The following DIAPH2 variants were observed in gnomAD, a reference collection of about 807,000 sequenced individuals.
The protein encoded by DIAPH2 is diaphanous related formin 2.
In DIAPH2, 35 loss-of-function variants were observed where a neutral mutation model predicts 92.7. The observed-to-expected ratio is 0.38, with a 90% CI of 0.29 to 0.50. The LOEUF (loss-of-function observed/expected upper bound fraction) is 0.50. Among genes scored for constraint, DIAPH2 ranks in the 20% least tolerant of loss-of-function variants. The pLI, the probability that DIAPH2 is intolerant of heterozygous loss-of-function variation, is 0.94. For missense variants in DIAPH2, 701 were observed against 819.5 expected, an observed-to-expected ratio of 0.86 and a Z score of 1.77; for synonymous variants, 301 against 280.4, an observed-to-expected ratio of 1.07 and a Z score of -0.73.
At chrX:96,843,239 C>G (rs142080560) in intron 4 of DIAPH2, among the ~76,000 whole-genome samples, 1 of 111,697 alleles carries the variant, frequency 9.0e-6, no homozygotes, top group Non-Finnish European at 1.9e-5. Flanking sequence ...CCTGGTTCGC[C>G]TTCCACCATG....
At chrX:97,407,689 G>A (rs1052713419) in intron 25 of DIAPH2, among the ~76,000 whole-genome samples, 28 of 112,009 alleles carry the variant, frequency 2.5e-4, no homozygotes, top group African/African-American at 8.7e-4. Context: ...GAAATTAAGT[G>A]CCTATTTGCA....
intron 22 of DIAPH2, among the ~76,000 whole-genome samples, chrX:97,175,455 T>A (rs1401189238): frequency 8.9e-6 from 1 of 112,262 alleles, no homozygotes; most frequent in Non-Finnish European, 1.9e-5. Flanking sequence ...ACCCTGGTTT[T>A]AAGAAATTTA....
At chrX:96,896,860 CTTTG>C (rs1050831497) in intron 5 of DIAPH2, among the ~76,000 whole-genome samples, 1 of 111,387 alleles carries the variant, frequency 9.0e-6, no homozygotes, top group African/African-American at 3.3e-5. Flanking sequence ...CCTACAAATG[CTTTG>C]TTTGTATGTC....
intron 10 of DIAPH2, among the ~76,000 whole-genome samples, chrX:96,933,236 T>A (rs968587461): frequency 2.7e-5 from 3 of 111,079 alleles, no homozygotes; most frequent in African/African-American, 9.8e-5. Flanking sequence ...AAAAAAAAAA[T>A]CCTCCGCAGG....
intron 3 of DIAPH2, among the ~76,000 whole-genome samples, chrX:96,751,923 T>G (rs1156267654): frequency 3.0e-5 from 3 of 98,498 alleles, no homozygotes; most frequent in Non-Finnish European, 4.4e-5. Flanking sequence ...AAAGTGCTGG[T>G]ATTACAGGCG....
intron 14 of DIAPH2, among the ~76,000 whole-genome samples, chrX:96,948,109 T>C (rs1428573682): frequency 2.7e-5 from 3 of 112,699 alleles, no homozygotes; most frequent in African/African-American, 9.7e-5. Flanking sequence ...TACTGCTTTA[T>C]GGATTCTAGA....
At chrX:97,037,245 T>C (rs1000966877) in intron 17 of DIAPH2, among the ~76,000 whole-genome samples, 6 of 111,614 alleles carry the variant, frequency 5.4e-5, no homozygotes, top group Non-Finnish European at 7.5e-5. Flanking sequence ...TTGTGTACTT[T>C]ACTGTAGTAC....
At chrX:97,361,786 CT>C (rs952163063) in intron 24 of DIAPH2, among the ~76,000 whole-genome samples, 1 of 111,282 alleles carries the variant, frequency 9.0e-6, no homozygotes, top group Non-Finnish European at 1.9e-5. Flanking sequence ...CTCTATGAAG[CT>C]TTTTTTTCAA....
chrX:97,221,090 T>G (rs2067920848), intron 22 of DIAPH2, among the ~76,000 whole-genome samples: 1 of 103,253 alleles, frequency 9.7e-6, no homozygotes, highest in African/African-American at 3.5e-5. Flanking sequence ...AGCATTTGCC[T>G]GTCTCATCTT....
chrX:97,391,162 A>G (rs1245386495), intron 25 of DIAPH2, among the ~76,000 whole-genome samples: 1 of 111,547 alleles, frequency 9.0e-6, no homozygotes, highest in East Asian at 2.8e-4. Context: ...AGTAAGAATA[A>G]TAGAGTTGGG....
At chrX:97,424,460 AT>A (rs1023060739) in intron 25 of DIAPH2, among the ~76,000 whole-genome samples, 5 of 111,423 alleles carry the variant, frequency 4.5e-5, no homozygotes, top group Non-Finnish European at 7.6e-5. Context: ...AATGTTAACA[AT>A]AGGGGTCATT....
At chrX:96,967,095 T>C (rs771336399) in intron 17 of DIAPH2, among the ~76,000 whole-genome samples, 2 of 111,883 alleles carry the variant, frequency 1.8e-5, no homozygotes, top group East Asian at 2.8e-4. Flanking sequence ...TACATGGGTA[T>C]GTTGCATGAT....
Position 97,422,534 on chromosome X carries a change from G to C in DIAPH2, c.3146-7116G>C, listed in dbSNP as rs2070019955. On this transcript the variant is annotated intron_variant, in intron 25 of 26. Coordinates refer to ENST00000324765, the MANE Select transcript of DIAPH2 (RefSeq NM_006729.5). Reference sequence around the variant, plus strand: ...CTATGGGATCATTTAACAGTGATTGGTTCATAGCAACTTTTTTCAACTTTG... The same window carrying C: ...CTATGGGATCATTTAACAGTGATTGCTTCATAGCAACTTTTTTCAACTTTG... 2.7e-5 allele frequency among the ~76,000 whole-genome samples: 3 copies of C among 111,930 alleles called. No individual in the cohort carries two copies. The Admixed American group carries it at 2.9e-4, about 11-fold the overall frequency.
chrX:96,915,510 C>T (rs909096532), intron 7 of DIAPH2, among the ~76,000 whole-genome samples: 1 of 109,533 alleles, frequency 9.1e-6, no homozygotes, highest in Non-Finnish European at 1.9e-5. Flanking sequence ...ATCTGCCACT[C>T]GGAGTTCTTT....
chrX:96,750,394 C>T (rs982442496), intron 3 of DIAPH2, among the ~76,000 whole-genome samples: 1 of 111,558 alleles, frequency 9.0e-6, no homozygotes, highest in African/African-American at 3.3e-5. Context: ...ATGTTAACTT[C>T]CTATTTCATT....
chrX:97,545,363 A>G lies in DIAPH2; in HGVS notation c.3242-53890A>G, dbSNP rs773317215. Among the ~76,000 whole-genome samples, 20 of 109,931 alleles carry G rather than the reference A, an allele frequency of 1.8e-4. No homozygotes were observed. The South Asian group carries it at 7.1e-3, about 39-fold the overall frequency. On this transcript the variant is annotated intron_variant, in intron 26 of 26. Coordinates refer to ENST00000324765, the MANE Select transcript of DIAPH2 (RefSeq NM_006729.5). ...CAAATTTTAAGACCTGAAAGTAGAG[A>G]CATCATTTTGTTCTATCTCCTAACA...
At chrX:96,928,644 G>A (rs760084895) in intron 9 of DIAPH2, among the ~76,000 whole-genome samples, 1 of 110,585 alleles carries the variant, frequency 9.0e-6, no homozygotes, top group African/African-American at 3.3e-5. Flanking sequence ...TGACATGATA[G>A]CATGTTTATT....
intron 22 of DIAPH2, among the ~76,000 whole-genome samples, chrX:97,230,131 A>G (rs2067998855): frequency 9.0e-6 from 1 of 110,749 alleles, no homozygotes; most frequent in South Asian, 3.8e-4. Context: ...TTGGAGTTAA[A>G]GCAGTATTAT....
chrX:97,476,966 A>AT (rs1429567227), intron 26 of DIAPH2, among the ~76,000 whole-genome samples: 685 of 34,376 alleles, frequency 0.02, 35 homozygotes, highest in African/African-American at 0.041. Context: ...AAAAAAAAAA[A>AT]AAATATATAT....
Sources: allele counts gnomAD v4.1 joint callset (sites outside exome capture counted in the v4.1 genomes callset), GRCh38; gene constraint gnomAD v4.1.1; transcripts MANE v1.5; gene names NCBI Gene and HGNC (gene_info 2026-07-23, HGNC 2026-07-21).